Variants in COLEC12 observed in about 807,000 individuals in gnomAD.
The protein encoded by COLEC12 is collectin-12.
A neutral mutation model predicts 71.1 loss-of-function variants in COLEC12; 33 were observed. The observed-to-expected ratio is 0.46, with a 90% CI of 0.35 to 0.62. COLEC12 has a LOEUF of 0.62. COLEC12 is among the 20% of genes least tolerant of loss of function. The probability of loss-of-function intolerance (pLI) is 0.00; values close to 1 mark genes in which losing one functional copy is unlikely to be tolerated. For synonymous variants in COLEC12, 350 were observed against 353.0 expected, an observed-to-expected ratio of 0.99 and a Z score of 0.10; for missense variants, 765 against 916.1, an observed-to-expected ratio of 0.84 and a Z score of 2.13.
intron 8 of COLEC12, among the ~76,000 whole-genome samples, chr18:329,400 A>G (rs1913919238): frequency 6.6e-6 from 1 of 151,914 alleles, no homozygotes; most frequent in African/African-American, 2.4e-5. Context: ...TAAAAAAAAG[A>G]CCCCGGCGCT....
intron 2 of COLEC12, among the ~76,000 whole-genome samples, chr18:400,084 T>G (rs1915651136): frequency 6.6e-6 from 1 of 152,146 alleles, no homozygotes; most frequent in South Asian, 2.1e-4. Flanking sequence ...GTATCTCCAG[T>G]GCAGGTCTGC....
At chr18:331,643 A>C in intron 8 of COLEC12, 25 bp downstream of exon 8, 10 of 1,438,206 alleles carry the variant, frequency 7.0e-6, no homozygotes, top group Non-Finnish European at 9.8e-6. Flanking sequence ...CCTGACCACC[A>C]ATCTGGAAGC....
chr18:414,366 G>A lies in COLEC12; in HGVS notation c.59-56844C>T, dbSNP rs187905248. On this transcript the variant is annotated intron_variant, in intron 2 of 9. Transcript: ENST00000400256. The stretch of plus-strand genomic sequence containing the variant: ...GCACTTTGGGAGGCCGAGGCGGGTG[G>A]ATCACCTGAGGTACCTGAGGTCAGG... Among the ~76,000 whole-genome samples, 305 of 152,196 alleles carry A rather than the reference G, an allele frequency of 2.0e-3. 1 individual carries two copies. The highest frequency in any genetic ancestry group is 6.9e-3 in the African/African-American group (285 of 41,532).
At chr18:404,931 C>T (rs1464684882) in intron 2 of COLEC12, among the ~76,000 whole-genome samples, 1 of 152,138 alleles carries the variant, frequency 6.6e-6, no homozygotes, top group Admixed American at 6.5e-5. Context: ...CCTATAAATG[C>T]TAAATTCTTT....
rs572553325 is a variant in COLEC12 at position 434,473 on chromosome 18, T to G, written c.58+46234A>C. 9.2e-5 allele frequency among the ~76,000 whole-genome samples: 14 copies of G among 152,348 alleles called. No homozygotes were observed. In the South Asian group the frequency reaches 2.9e-3, roughly 32 times the overall value. ...GTTTTGCTTCCATATGAACTAGATC[T>G]GGCTCGGAGTCCATGTTTCCATTAC... On this transcript the variant is annotated intron_variant, in intron 2 of 9. Transcript: ENST00000400256.
intron 2 of COLEC12, among the ~76,000 whole-genome samples, chr18:426,302 A>G (rs967474895): frequency 6.6e-6 from 1 of 152,162 alleles, no homozygotes; most frequent in Non-Finnish European, 1.5e-5. Flanking sequence ...GGGTGTTGTC[A>G]ATGGAAAACT....
chr18:425,431 A>C (rs1434853638), intron 2 of COLEC12, among the ~76,000 whole-genome samples: 2 of 151,982 alleles, frequency 1.3e-5, no homozygotes, highest in Non-Finnish European at 2.9e-5. Context: ...ATCCCTTCTC[A>C]ATTACCAAAT....
At chr18:497,401 TG>T in intron 1 of COLEC12, among the ~76,000 whole-genome samples, 2 of 151,146 alleles carry the variant, frequency 1.3e-5, no homozygotes, top group Non-Finnish European at 2.9e-5. Context: ...TGTGTGTGTG[TG>T]TGTGTGTGTG....
intron 2 of COLEC12, among the ~76,000 whole-genome samples, chr18:477,496 A>G (rs1234171769): frequency 0.015 from 2,341 of 152,322 alleles, 60 homozygotes; most frequent in African/African-American, 0.053. Context: ...TGCAACTATA[A>G]AAGGCTACAA....
At chr18:426,965 C>T (rs1916210524) in intron 2 of COLEC12, among the ~76,000 whole-genome samples, 1 of 152,194 alleles carries the variant, frequency 6.6e-6, no homozygotes, top group Non-Finnish European at 1.5e-5. Context: ...TAAATAACTT[C>T]CTAGGGCTGC....
rs796258755 is a variant in COLEC12, at chr18:328,805, T to C, written c.2063+2863A>G. Among the ~76,000 whole-genome samples the C allele has an allele frequency of 2.3e-4, 35 of 152,348 alleles. 1 individual carries two copies. Among genetic ancestry groups the C allele is most frequent in the African/African-American group, 8.4e-4 (35 of 41,580 alleles). On this transcript the variant is annotated intron_variant, in intron 8 of 9. Transcript: ENST00000400256. ...CCCGATCTTGCTGATGCTAGATCCC[T>C]CTAGCATCTAGCTGATGCACTCCCT...
chr18:491,998 T>C (rs1917627861), intron 1 of COLEC12, among the ~76,000 whole-genome samples: 1 of 152,210 alleles, frequency 6.6e-6, no homozygotes, highest in South Asian at 2.1e-4. Context: ...CGTAACAAAG[T>C]ATCTGAGGTT....
rs909971076 is a variant in COLEC12, at chr18:327,531, C to T, written c.2063+4137G>A. On this transcript the variant is annotated intron_variant, in intron 8 of 9. Transcript: ENST00000400256. The surrounding 1 kb of genome is among the most constrained non-coding windows in gnomAD (Gnocchi z 4.0). ...GGTTGAGTGTTTCATGGGAAATAAG[C>T]CTGAGCTCAATCTGTGTGTCCCCTA... Among the ~76,000 whole-genome samples the T allele has an allele frequency of 9.2e-5, 14 of 152,210 alleles. No homozygotes were observed. Among genetic ancestry groups the T allele is most frequent in the African/African-American group, 2.4e-5 (1 of 41,450 alleles).
chr18:411,367 T>C (rs1460210391), intron 2 of COLEC12, among the ~76,000 whole-genome samples: 1 of 152,024 alleles, frequency 6.6e-6, no homozygotes, highest in Non-Finnish European at 1.5e-5. Context: ...CAATGAAAAA[T>C]GACAATCAAT....
intron 8 of COLEC12, 144 bp from the exon 9 acceptor site, chr18:321,951 G>T: frequency 1.3e-6 from 1 of 773,698 alleles, no homozygotes; most frequent in South Asian, 1.8e-5. Context: ...ATCAGTACAT[G>T]CTCTTATTCA....
chr18:496,751 CCTCT>C (rs1917720564), intron 1 of COLEC12, among the ~76,000 whole-genome samples: 1 of 152,192 alleles, frequency 6.6e-6, no homozygotes, highest in African/African-American at 2.4e-5. Flanking sequence ...GCACCAGCCT[CCTCT>C]CTGTGTTAAA....
intron 2 of COLEC12, among the ~76,000 whole-genome samples, chr18:433,903 G>A (rs1293634862): frequency 1.3e-5 from 2 of 149,694 alleles, no homozygotes; most frequent in African/African-American, 4.9e-5. Context: ...GGTTGAGACT[G>A]CAGTGAGCCA....
intron 2 of COLEC12, among the ~76,000 whole-genome samples, chr18:459,223 G>T (rs905166186): frequency 1.4e-4 from 22 of 152,248 alleles, no homozygotes; most frequent in Admixed American, 3.3e-4. Context: ...TCTAATGAGG[G>T]GTCTGGATTG....
rs575655661 is a variant in COLEC12 at position 472,387 on chromosome 18, T to C, written c.58+8320A>G. Among the ~76,000 whole-genome samples the C allele has an allele frequency of 4.6e-5, 7 of 152,156 alleles. No individual in the cohort carries two copies. The East Asian group carries it at 5.8e-4, about 13-fold the overall frequency. The stretch of plus-strand genomic sequence containing the variant: ...CTTTTTAAAATGTCCTTCAAGAAAA[T>C]AGACTCCTGGTCAGGCGTGGTGCCT... On this transcript the variant is annotated intron_variant, in intron 2 of 9. Transcript: ENST00000400256.
Sources: allele counts gnomAD v4.1 joint callset (sites outside exome capture counted in the v4.1 genomes callset), GRCh38; gene constraint gnomAD v4.1.1; non-coding constraint Gnocchi (gnomAD v3.1); transcripts MANE v1.5; gene names NCBI Gene and HGNC (gene_info 2026-07-23, HGNC 2026-07-21).